HDAC4: variants seen among roughly 807,000 people sequenced by gnomAD.
HDAC4 encodes histone deacetylase 4, also known as histone deacetylase A.
A neutral mutation model predicts 135.1 loss-of-function variants in HDAC4; 16 were observed. The observed-to-expected ratio is 0.12, with a 90% confidence interval of 0.08 to 0.18. The LOEUF is 0.18. HDAC4 is among the 10% of genes least tolerant of loss of function. HDAC4 has a pLI of 1.00. For synonymous variants in HDAC4, 685 were observed against 653.4 expected (o/e 1.05, Z -0.74); for missense variants, 1,143 against 1,511.8 (o/e 0.76, Z 4.05).
At position 239,052,900 on chromosome 2, in the gene HDAC4, C is replaced by T. The variant is rs934835520; in HGVS notation, c.*197G>A. 3.8e-5 allele frequency: 24 copies of T among 638,888 alleles called. No homozygotes were observed. The highest frequency in any genetic ancestry group is 2.6e-4 in the Middle Eastern group (1 of 3,800). 39.6% of individuals were successfully genotyped at this position (638,888 alleles called of 1,614,324 possible). ...TCCCGTGTTCCCTGTGAGGCTGCCA[C>T]GCCCAGGCGTGCATGTGCGTCTCGA... On this transcript the variant is annotated 3_prime_UTR_variant, in exon 27 of 27. Transcript: ENST00000543185.
intron 3 of HDAC4, among the ~76,000 whole-genome samples, chr2:239,223,717 GC>G: frequency 6.6e-6 from 1 of 152,108 alleles, no homozygotes; most frequent in Non-Finnish European, 1.5e-5. Context: ...GCAGGACCTT[GC>G]TGCTGGCTGT....
At chr2:239,159,120 CCACT>C (rs1469602820) in intron 6 of HDAC4, among the ~76,000 whole-genome samples, 1 of 150,654 alleles carries the variant, frequency 6.6e-6, no homozygotes, top group Non-Finnish European at 1.5e-5. Flanking sequence ...CACAATACAC[CCACT>C]CACACCTGCA....
At chr2:239,083,915 C>T (rs1445353899) in intron 20 of HDAC4, among the ~76,000 whole-genome samples, 3 of 152,372 alleles carry the variant, frequency 2.0e-5, no homozygotes, top group Admixed American at 6.5e-5. Flanking sequence ...TGGCCGCTGC[C>T]GTCACCCACA....
chr2:239,122,736 G>T (rs2039799246), intron 12 of HDAC4, among the ~76,000 whole-genome samples: 1 of 152,222 alleles, frequency 6.6e-6, no homozygotes. Context: ...GGAACACCAG[G>T]GCTAGGCACG....
intron 4 of HDAC4, 118 bp from the exon 5 acceptor site, chr2:239,176,681 G>C (rs949065845): frequency 1.1e-6 from 1 of 880,144 alleles, no homozygotes; most frequent in Non-Finnish European, 1.8e-6. Flanking sequence ...TGTGGCCCTG[G>C]GCACTGCCCT....
intron 2 of HDAC4, among the ~76,000 whole-genome samples, chr2:239,266,008 C>T (rs2049705128): frequency 6.6e-6 from 1 of 152,182 alleles, no homozygotes; most frequent in Admixed American, 6.5e-5. Context: ...GCCTGCCTTG[C>T]CCAGCTCCCC....
intron 17 of HDAC4, among the ~76,000 whole-genome samples, chr2:239,092,871 CCTTT>C (rs2036648709): frequency 6.6e-6 from 1 of 151,494 alleles, no homozygotes; most frequent in East Asian, 1.9e-4. Flanking sequence ...GTTTTCTTTT[CCTTT>C]CTTTCTCTCT....
intron 1 of HDAC4, among the ~76,000 whole-genome samples, chr2:239,371,903 C>T (rs1274956624): frequency 1.3e-5 from 2 of 152,180 alleles, no homozygotes; most frequent in African/African-American, 4.8e-5. Context: ...GTGAAGAGCC[C>T]GTGGAGGGGC....
intron 1 of HDAC4, among the ~76,000 whole-genome samples, chr2:239,387,411 G>A (rs1014014711): frequency 3.9e-5 from 6 of 152,202 alleles, no homozygotes; most frequent in African/African-American, 1.2e-4. Flanking sequence ...GCAATGCCCA[G>A]GAGAGCCTCC....
chr2:239,313,706 G>C lies in HDAC4; in HGVS notation c.22+38972C>G, dbSNP rs1046450644. ...GTACAGCACTGGTGACAGAAAGGAA[G>C]ATTCAGAAAAGCCTTCACGCCTGGC... On this transcript the variant is annotated intron_variant, in intron 2 of 26. Coordinates refer to ENST00000543185, the MANE Select transcript of HDAC4 (RefSeq NM_001378414.1). The surrounding 1 kb of genome is among the most constrained non-coding windows in gnomAD (Gnocchi z 5.1). Among the ~76,000 whole-genome samples the C allele has an allele frequency of 6.6e-6, 1 of 152,236 alleles. No homozygotes were observed. The highest frequency in any genetic ancestry group is 1.5e-5 in the Non-Finnish European group (1 of 68,038).
intron 3 of HDAC4, among the ~76,000 whole-genome samples, chr2:239,220,342 G>C (rs1474963586): frequency 1.3e-5 from 2 of 152,306 alleles, no homozygotes; most frequent in African/African-American, 2.4e-5. Context: ...CTACATGTAA[G>C]TAACTACAAA....
intron 2 of HDAC4, among the ~76,000 whole-genome samples, chr2:239,253,352 C>T (rs1310419727): frequency 6.6e-6 from 1 of 152,246 alleles, no homozygotes; most frequent in African/African-American, 2.4e-5. Flanking sequence ...ACGAACACCC[C>T]TGTATGCTGT....
In HDAC4 at chr2:239,151,172, C is replaced by A. The variant is rs115621869; in HGVS notation, c.733+5480G>T. Among the ~76,000 whole-genome samples, 272 of 152,390 alleles carry A rather than the reference C, an allele frequency of 1.8e-3. 1 individual carries two copies. Among genetic ancestry groups the A allele is most frequent in the African/African-American group, 6.1e-3 (254 of 41,596 alleles). ...AGCCTACTCTACACACAGATAAGAACAAACACTTGTAACTTTATTCAGGTC... is the reference window on the plus strand; with the variant it reads ...AGCCTACTCTACACACAGATAAGAAAAAACACTTGTAACTTTATTCAGGTC... On this transcript the variant is annotated intron_variant, in intron 7 of 26. Coordinates refer to ENST00000543185, the MANE Select transcript of HDAC4 (RefSeq NM_001378414.1).
intron 12 of HDAC4, among the ~76,000 whole-genome samples, chr2:239,118,121 TGA>T (rs1005038842): frequency 6.6e-6 from 1 of 152,056 alleles, no homozygotes; most frequent in African/African-American, 2.4e-5. Flanking sequence ...CACAACATGG[TGA>T]GTTTTCAGCC....
intron 2 of HDAC4, among the ~76,000 whole-genome samples, chr2:239,242,842 T>A (rs1325121387): frequency 6.8e-6 from 1 of 146,978 alleles, no homozygotes; most frequent in Non-Finnish European, 1.5e-5. Context: ...TTAAATCACA[T>A]GTTTGCTTAA....
chr2:239,326,743 A>T (rs1011346734), intron 2 of HDAC4, among the ~76,000 whole-genome samples: 2 of 152,364 alleles, frequency 1.3e-5, no homozygotes, highest in East Asian at 3.9e-4. Flanking sequence ...AGTATGTTTT[A>T]AACTCTCTAT....
Position 239,137,119 on chromosome 2 carries a change from C to T in HDAC4, c.979-2476G>A, listed in dbSNP as rs188151711. Among the ~76,000 whole-genome samples the T allele has an allele frequency of 1.6e-4, 24 of 152,228 alleles. No individual in the cohort carries two copies. The East Asian group carries it at 3.3e-3, about 21-fold the overall frequency. ...CTTTGTAAGCAAGGTTTTTTTTAAG[C>T]CCATTTCTGGAACTAAAGGAGGCTT... is the stretch of plus-strand genomic sequence containing the variant. On this transcript the variant is annotated intron_variant, in intron 9 of 26. Coordinates refer to ENST00000543185, the MANE Select transcript of HDAC4 (RefSeq NM_001378414.1).
At chr2:239,249,582 C>T (rs1221044197) in intron 2 of HDAC4, among the ~76,000 whole-genome samples, 1 of 151,588 alleles carries the variant, frequency 6.6e-6, no homozygotes, top group Non-Finnish European at 1.5e-5. Flanking sequence ...GTGACTTTCT[C>T]AGGAAAAAAA....
At chr2:239,127,383 T>C (rs1373664762) in intron 11 of HDAC4, among the ~76,000 whole-genome samples, 2 of 152,246 alleles carry the variant, frequency 1.3e-5, no homozygotes, top group Non-Finnish European at 2.9e-5. Flanking sequence ...CTTGCTTTAA[T>C]TGGCATCTGT....
Sources: allele counts gnomAD v4.1 joint callset (sites outside exome capture counted in the v4.1 genomes callset), GRCh38; gene constraint gnomAD v4.1.1; non-coding constraint Gnocchi (gnomAD v3.1); transcripts MANE v1.5; gene names NCBI Gene and HGNC (gene_info 2026-07-23, HGNC 2026-07-21).